Variants in FAM163A observed in about 807,000 individuals in gnomAD.
FAM163A encodes the protein protein FAM163A.
In FAM163A, 7 loss-of-function variants were observed where a neutral mutation model predicts 12.0. The observed-to-expected ratio is 0.58, with a 90% confidence interval of 0.33 to 1.10. FAM163A has a LOEUF of 1.10. FAM163A is among the 50% of genes least tolerant of loss of function. FAM163A has a pLI of 0.03. For missense variants in FAM163A, 202 were observed against 218.6 expected, an observed-to-expected ratio of 0.92 and a Z score of 0.48; for synonymous variants, 101 against 91.0, an observed-to-expected ratio of 1.11 and a Z score of -0.62.
At chr1:179,767,052 G>A (rs1289978327) in intron 1 of FAM163A, among the ~76,000 whole-genome samples, 6 of 152,014 alleles carry the variant, frequency 3.9e-5, no homozygotes, top group Admixed American at 1.3e-4. Flanking sequence ...CACCGCCCCC[G>A]GCCTTTACTC....
At chr1:179,755,091 C>T (rs1310376795) in intron 1 of FAM163A, among the ~76,000 whole-genome samples, 1 of 148,700 alleles carries the variant, frequency 6.7e-6, no homozygotes, top group Non-Finnish European at 1.5e-5. Context: ...GAGTGGAGAT[C>T]GTGCCACCGC....
At chr1:179,763,418 C>G (rs1687076280) in intron 1 of FAM163A, among the ~76,000 whole-genome samples, 2 of 152,174 alleles carry the variant, frequency 1.3e-5, no homozygotes, top group Admixed American at 1.3e-4. Context: ...CTTCCTTGGA[C>G]AGAGAATATG....
At position 179,814,207 on chromosome 1, in the gene FAM163A, C is replaced by T. The variant is rs755656424; in HGVS notation, c.*18C>T. 2.5e-6 allele frequency: 4 copies of T among 1,586,252 alleles called. No homozygotes were observed. The highest frequency in any genetic ancestry group is 2.6e-6 in the Non-Finnish European group (3 of 1,163,920). On this transcript the variant is annotated 3_prime_UTR_variant, in exon 5 of 5. Transcript: ENST00000341785. ...ACGTGTAAATCCTTCCACCCCGACCCGCACACACACCCACACTGCTGCCCT... is the reference window on the plus strand; with the variant it reads ...ACGTGTAAATCCTTCCACCCCGACCTGCACACACACCCACACTGCTGCCCT...
intron 4 of FAM163A, 128 bp downstream of exon 4, chr1:179,813,318 T>A: frequency 2.1e-6 from 2 of 932,766 alleles, no homozygotes; most frequent in African/African-American, 1.6e-5. Flanking sequence ...GTAGCAGGCG[T>A]AAGTCAAGGA....
intron 1 of FAM163A, among the ~76,000 whole-genome samples, chr1:179,789,865 A>G (rs1691194326): frequency 6.6e-6 from 1 of 152,252 alleles, no homozygotes; most frequent in African/African-American, 2.4e-5. Context: ...TAAAGCAACC[A>G]TATTTTGGGT....
Position 179,783,739 on chromosome 1 carries a change from CCCAAATATT to C in FAM163A, c.-135-24058_-135-24050del, listed in dbSNP as rs1690145543. ...ACTTCCCAAATTTTATATAATTGAG[CCCAAATATT>C]ATATATATATTATATAATTTATTAT... On this transcript the variant is annotated intron_variant, in intron 1 of 4. Coordinates refer to ENST00000341785, the MANE Select transcript of FAM163A (RefSeq NM_173509.3). Among the ~76,000 whole-genome samples the C allele has an allele frequency of 3.4e-5, 2 of 58,428 alleles. 1 individual carries two copies. Among genetic ancestry groups the C allele is most frequent in the Non-Finnish European group, 6.2e-5 (2 of 32,262 alleles). The allele number at this position is 58,428 out of a possible 152,430, so 38.3% of individuals were successfully genotyped here.
chr1:179,760,192 C>T (rs1484021904), intron 1 of FAM163A, among the ~76,000 whole-genome samples: 1 of 152,060 alleles, frequency 6.6e-6, no homozygotes, highest in Non-Finnish European at 1.5e-5. Context: ...TTGGAATTTG[C>T]CTTGCTTGTT....
chr1:179,756,674 A>G (rs897804412), intron 1 of FAM163A, among the ~76,000 whole-genome samples: 1 of 152,220 alleles, frequency 6.6e-6, no homozygotes, highest in East Asian at 1.9e-4. Context: ...GGAATCATCC[A>G]TAAGCAGGTG....
chr1:179,766,645 A>G lies in FAM163A; in HGVS notation c.-136+23222A>G, dbSNP rs549197663. Among the ~76,000 whole-genome samples, 212 of 152,276 alleles carry G rather than the reference A, an allele frequency of 1.4e-3. 2 individuals are homozygous for G. Among genetic ancestry groups the G allele is most frequent in the African/African-American group, 4.9e-3 (205 of 41,554 alleles). On this transcript the variant is annotated intron_variant, in intron 1 of 4. Transcript: ENST00000341785. ...TGATTTTTCAGTGAAACTTCAGAGAACCAAAGGGAACTTTCTCCTTACACC... is the reference window on the plus strand; with the variant it reads ...TGATTTTTCAGTGAAACTTCAGAGAGCCAAAGGGAACTTTCTCCTTACACC...
chr1:179,782,666 C>T (rs1571456686), intron 1 of FAM163A, among the ~76,000 whole-genome samples: 2 of 152,172 alleles, frequency 1.3e-5, no homozygotes, highest in Non-Finnish European at 2.9e-5. Flanking sequence ...CTAAGCCACC[C>T]TGCCAGGCAC....
intron 1 of FAM163A, among the ~76,000 whole-genome samples, chr1:179,778,874 G>C (rs1689340080): frequency 6.6e-6 from 1 of 152,200 alleles, no homozygotes. Context: ...GTGGAGCATA[G>C]CCAGACAGAC....
intron 1 of FAM163A, among the ~76,000 whole-genome samples, chr1:179,754,086 G>C (rs2148002784): frequency 6.6e-6 from 1 of 152,236 alleles, no homozygotes; most frequent in South Asian, 2.1e-4. Flanking sequence ...GGACATCTCT[G>C]TATCTATCAC....
intron 2 of FAM163A, among the ~76,000 whole-genome samples, chr1:179,808,337 A>C (rs1015335976): frequency 6.6e-6 from 1 of 152,254 alleles, no homozygotes; most frequent in Admixed American, 6.5e-5. Context: ...AGCTTAAAAC[A>C]ACACACAGTG....
intron 2 of FAM163A, 86 bp downstream of exon 2, chr1:179,807,974 G>A (rs1035832535): frequency 2.0e-5 from 3 of 152,358 alleles, no homozygotes; most frequent in African/African-American, 7.2e-5. Flanking sequence ...GCAAGTCCTG[G>A]TCACAGAGGG....
chr1:179,767,970 A>G (rs7545356), intron 1 of FAM163A, among the ~76,000 whole-genome samples: 26,327 of 152,156 alleles, frequency 0.17, 2,583 homozygotes, highest in African/African-American at 0.26. Flanking sequence ...TTGAAAAATT[A>G]AAACTCTGTA....
At chr1:179,752,157 A>AACTG (rs1478696278) in intron 1 of FAM163A, among the ~76,000 whole-genome samples, 2 of 152,200 alleles carry the variant, frequency 1.3e-5, no homozygotes, top group Non-Finnish European at 2.9e-5. Context: ...TGATACGGTC[A>AACTG]ACTGATGTTT....
At chr1:179,732,880 CAAAAAAA>C in the FAM163A span, among the ~76,000 whole-genome samples, 61 of 39,146 alleles carry the variant, frequency 1.6e-3, 1 homozygote, top group South Asian at 0.077. Flanking sequence ...GACTCTGCCT[CAAAAAAA>C]AAAAAAAAAA....
At chr1:179,775,258 G>A (rs1318078237) in intron 1 of FAM163A, among the ~76,000 whole-genome samples, 2 of 152,184 alleles carry the variant, frequency 1.3e-5, no homozygotes, top group African/African-American at 2.4e-5. Flanking sequence ...ATACTCCTGT[G>A]CAAACATCCA....
At chr1:179,727,782 A>G in the FAM163A span, among the ~76,000 whole-genome samples, 1 of 152,192 alleles carries the variant, frequency 6.6e-6, no homozygotes, top group Non-Finnish European at 1.5e-5. Flanking sequence ...ACACTGACAT[A>G]ATCTTGAACT....
Sources: gnomAD v4.1 joint callset for allele counts (sites outside exome capture counted in the v4.1 genomes callset) on GRCh38, gnomAD v4.1.1 for gene constraint, MANE v1.5 for transcripts, NCBI Gene and HGNC (gene_info 2026-07-23, HGNC 2026-07-21) for gene names.